Variants in DCAF13 observed in about 807,000 individuals in gnomAD.
DCAF13 encodes DDB1 and CUL4 associated factor 13, also known as DDB1- and CUL4-associated factor 13.
A neutral mutation model predicts 59.0 loss-of-function variants in DCAF13; 38 were observed. That is an observed-to-expected ratio of 0.64 (90% CI 0.50 to 0.84). The LOEUF (loss-of-function observed/expected upper bound fraction) is 0.84. DCAF13 is among the 40% of genes least tolerant of loss of function. DCAF13 has a pLI of 0.00. For missense variants in DCAF13, 469 were observed against 558.4 expected (o/e 0.84, Z 1.61); for synonymous variants, 173 against 175.0 (o/e 0.99, Z 0.09).
In DCAF13 at chr8:103,442,869, C is replaced by T; in HGVS notation, c.1325C>T (p.Ala442Val). 1 of 1,603,938 alleles carries T rather than the reference C, an allele frequency of 6.2e-7. No individual in the cohort carries two copies. The highest frequency in any genetic ancestry group is 1.1e-5 in the South Asian group (1 of 89,812). ...TCAGAGAAGAAGAAACACGTAGTGG[C>T]AGTTGTAAAATAATTGGTATTCCTA... ...LVSEKKKHVV[A>V]VVK is the part of the protein sequence containing the mutation. Residue 442 changes from alanine to valine, a missense_variant, in exon 11 of 11, where the codon GCA (alanine) becomes GTA (valine). This residue lies in a region of DCAF13 where 84 missense variants were observed against 92.3 expected (regional missense o/e 0.91). Coordinates refer to ENST00000612750, the MANE Select transcript of DCAF13 (RefSeq NM_015420.7).
In DCAF13 at chr8:103,422,742, A is replaced by G. The variant is rs534375078; in HGVS notation, c.378+1660A>G. The stretch of plus-strand genomic sequence containing the variant: ...ACACATGCGCTAATCAGTCAAATAG[A>G]TCTTCCTTATTCTTTATTTACTGGT... On this transcript the variant is annotated intron_variant, in intron 3 of 10. Coordinates refer to ENST00000612750, the MANE Select transcript of DCAF13 (RefSeq NM_015420.7). Among the ~76,000 whole-genome samples the G allele has an allele frequency of 2.0e-5, 3 of 152,308 alleles. No individual in the cohort carries two copies. The South Asian group carries it at 6.2e-4, about 32-fold the overall frequency.
At position 103,420,130 on chromosome 8, in the gene DCAF13, A is replaced by C. The variant is rs2130475267; in HGVS notation, c.71-134A>C. ...AAGATTTCTGAACAACAGGTCTTCT[A>C]CTTTTGTATTCTTAGTGTTAGGCAT... is the stretch of plus-strand genomic sequence containing the variant. On this transcript the variant is annotated intron_variant, in intron 1 of 10. Coordinates refer to ENST00000612750, the MANE Select transcript of DCAF13 (RefSeq NM_015420.7). 7.7e-6 allele frequency: 6 copies of C among 782,764 alleles called. No individual in the cohort carries two copies. In the East Asian group the frequency reaches 1.6e-4, roughly 21 times the overall value. The allele number at this position is 782,764 out of a possible 1,614,324, so 48.5% of individuals were successfully genotyped here.
At chr8:103,430,824 A>T in intron 6 of DCAF13, 135 bp downstream of exon 6, 1 of 538,300 alleles carries the variant, frequency 1.9e-6, no homozygotes, top group Non-Finnish European at 3.2e-6. Flanking sequence ...TTAGAACTCT[A>T]CATGATGATA....
chr8:103,425,273 A>G (rs1194252391), intron 3 of DCAF13, among the ~76,000 whole-genome samples: 1 of 152,170 alleles, frequency 6.6e-6, no homozygotes, highest in Non-Finnish European at 1.5e-5. Flanking sequence ...TCAACCTCAA[A>G]CTACATTATA....
At chr8:103,438,415 C>T (rs1359362721) in intron 8 of DCAF13, among the ~76,000 whole-genome samples, 4 of 148,922 alleles carry the variant, frequency 2.7e-5, no homozygotes, top group Admixed American at 1.4e-4. Flanking sequence ...TGAGTATAGT[C>T]GAGAGATTTT....
chr8:103,419,529 G>C (rs1816693650), intron 1 of DCAF13, among the ~76,000 whole-genome samples: 1 of 152,178 alleles, frequency 6.6e-6, no homozygotes, highest in Non-Finnish European at 1.5e-5. Flanking sequence ...GTGTCTATCA[G>C]CACAGTATTT....
intron 10 of DCAF13, 73 bp downstream of exon 10, chr8:103,441,691 C>T: frequency 7.0e-7 from 1 of 1,431,044 alleles, no homozygotes; most frequent in South Asian, 1.2e-5. Context: ...ACAAAGTTAA[C>T]TGCCATTCAA....
At chr8:103,426,632 A>G (rs192330983) in intron 4 of DCAF13, among the ~76,000 whole-genome samples, 1 of 152,316 alleles carries the variant, frequency 6.6e-6, no homozygotes, top group East Asian at 1.9e-4. Context: ...GTTTTAGCAT[A>G]AGAATAATTT....
chr8:103,421,704 A>G (rs570942909), intron 3 of DCAF13, among the ~76,000 whole-genome samples: 2 of 152,306 alleles, frequency 1.3e-5, no homozygotes, highest in African/African-American at 2.4e-5. Flanking sequence ...GAATTATACC[A>G]TTTTGTGTAT....
chr8:103,420,083 A>G (rs1003653464), intron 1 of DCAF13, among the ~76,000 whole-genome samples, 181 bp from the exon 2 acceptor site: 5 of 151,952 alleles, frequency 3.3e-5, no homozygotes, highest in South Asian at 2.1e-4. Flanking sequence ...TATGCATCCC[A>G]TGATTTTCCA....
intron 5 of DCAF13, chr8:103,427,778 C>T (rs978480144): frequency 2.0e-5 from 3 of 153,438 alleles, no homozygotes; most frequent in African/African-American, 7.2e-5. Context: ...TTCCCAGTTC[C>T]TCCAGGCCTA....
At chr8:103,418,860 A>T (rs1326770938) in intron 1 of DCAF13, among the ~76,000 whole-genome samples, 1,553 of 34,590 alleles carry the variant, frequency 0.045, 66 homozygotes, top group Non-Finnish European at 0.049. Flanking sequence ...ATATATATAT[A>T]TATATATTTT....
chr8:103,433,234 A>G (rs541565187), intron 7 of DCAF13, among the ~76,000 whole-genome samples: 1 of 152,240 alleles, frequency 6.6e-6, no homozygotes, highest in Admixed American at 6.5e-5. Flanking sequence ...TCTGCCTGCA[A>G]TGTTTGTATT....
chr8:103,418,685 T>A (rs1187604911), intron 1 of DCAF13, among the ~76,000 whole-genome samples: 1 of 151,198 alleles, frequency 6.6e-6, no homozygotes, highest in Non-Finnish European at 1.5e-5. Context: ...TAGAGCTTTG[T>A]TGAATGTTAG....
intron 3 of DCAF13, among the ~76,000 whole-genome samples, chr8:103,423,123 A>G (rs756561099): frequency 1.1e-4 from 17 of 152,278 alleles, no homozygotes; most frequent in South Asian, 4.1e-4. Context: ...TGTGCAAGGA[A>G]TTGATTGGCA....
rs1437128438 is a variant in DCAF13, at chr8:103,438,593, TG to T, written c.951-1539del. Among the ~76,000 whole-genome samples the T allele has an allele frequency of 2.0e-5, 3 of 152,038 alleles. No homozygotes were observed. In the East Asian group the frequency reaches 5.8e-4, roughly 29 times the overall value. Reference sequence around the variant, plus strand: ...TTTTAAAATTTATCTTTAGTAGCTATGGGGTCTCCCTGTGTTACTCAGGCTG... The same window carrying T: ...TTTTAAAATTTATCTTTAGTAGCTATGGGTCTCCCTGTGTTACTCAGGCTG... On this transcript the variant is annotated intron_variant, in intron 8 of 10. Coordinates refer to ENST00000612750, the MANE Select transcript of DCAF13 (RefSeq NM_015420.7).
At chr8:103,439,991 C>T (rs775053940) in intron 8 of DCAF13, 145 bp from the exon 9 acceptor site, 46 of 573,812 alleles carry the variant, frequency 8.0e-5, no homozygotes, top group Non-Finnish European at 2.1e-5. Flanking sequence ...TAGTTGGGTT[C>T]AATAAAAATA....
chr8:103,434,922 C>T (rs767858902), intron 7 of DCAF13, among the ~76,000 whole-genome samples: 13 of 152,032 alleles, frequency 8.6e-5, no homozygotes, highest in Non-Finnish European at 1.9e-4. Context: ...ATTAGTGCAA[C>T]TTTGTTGGCA....
intron 5 of DCAF13, 85 bp from the exon 6 acceptor site, chr8:103,430,527 G>A (rs1816849340): frequency 2.4e-6 from 2 of 822,438 alleles, no homozygotes; most frequent in South Asian, 3.3e-5. Flanking sequence ...AAATATTAAG[G>A]GCAATTAAAT....
Sources: gnomAD v4.1 joint callset for allele counts (sites outside exome capture counted in the v4.1 genomes callset) on GRCh38, gnomAD v4.1.1 for gene constraint, gnomAD v4.1.1 regional missense constraint, MANE v1.5 for transcripts, NCBI Gene and HGNC (gene_info 2026-07-23, HGNC 2026-07-21) for gene names.